Variants in GRID2 observed in about 807,000 individuals in gnomAD.
GRID2 encodes the protein glutamate receptor ionotropic, delta-2.
GRID2 carries 33 observed loss-of-function variants against 114.8 expected under a neutral mutation model. That is an observed-to-expected ratio of 0.29 (90% CI 0.22 to 0.38). GRID2 has a LOEUF of 0.38. GRID2 is among the 10% of genes least tolerant of loss of function. The pLI is 1.00. For missense variants in GRID2, 1,184 were observed against 1,257.7 expected (o/e 0.94, Z 0.89); for synonymous variants, 505 against 449.9 (o/e 1.12, Z -1.55).
intron 2 of GRID2, among the ~76,000 whole-genome samples, chr4:92,688,037 C>CTTTTTTTTTTTTTTTTTTTTTTTTT (rs760605020): frequency 6.7e-5 from 3 of 44,654 alleles, no homozygotes; most frequent in Non-Finnish European, 1.2e-4. Flanking sequence ...CCTTCTTCTT[C>CTTTTTTTTTTTTTTTTTTTTTTTTT]TTTTTTTTTT....
chr4:93,117,557 A>T (rs1455097908), intron 4 of GRID2, among the ~76,000 whole-genome samples: 1 of 152,170 alleles, frequency 6.6e-6, no homozygotes, highest in African/African-American at 2.4e-5. Flanking sequence ...GTTGTTAGTA[A>T]TTAAGGTCAA....
At chr4:92,470,601 T>A (rs1295464217) in intron 1 of GRID2, among the ~76,000 whole-genome samples, 2 of 151,966 alleles carry the variant, frequency 1.3e-5, no homozygotes, top group Non-Finnish European at 2.9e-5. Flanking sequence ...TTCTTAGAAA[T>A]GTTTGCCGTA....
intron 2 of GRID2, among the ~76,000 whole-genome samples, chr4:93,038,389 C>A (rs747782703): frequency 2.6e-5 from 4 of 151,998 alleles, no homozygotes; most frequent in Non-Finnish European, 5.9e-5. Flanking sequence ...ATTTATGTAG[C>A]CAACAAACAT....
At chr4:92,373,485 G>C (rs1729211746) in intron 1 of GRID2, among the ~76,000 whole-genome samples, 1 of 152,194 alleles carries the variant, frequency 6.6e-6, no homozygotes. Context: ...CCAGCTTCCA[G>C]CTGTGAGGGG....
intron 2 of GRID2, among the ~76,000 whole-genome samples, chr4:92,704,456 T>C (rs1734842303): frequency 6.6e-6 from 1 of 152,182 alleles, no homozygotes; most frequent in Non-Finnish European, 1.5e-5. Flanking sequence ...ACATTTTCTG[T>C]ACATGTTGCA....
chr4:93,628,719 C>T (rs1742961166), intron 14 of GRID2, among the ~76,000 whole-genome samples: 1 of 149,160 alleles, frequency 6.7e-6, no homozygotes, highest in Non-Finnish European at 1.5e-5. Flanking sequence ...GGTTAATTGG[C>T]TTTTTCATTG....
intron 2 of GRID2, among the ~76,000 whole-genome samples, chr4:92,694,088 C>G (rs1365134551): frequency 6.6e-6 from 1 of 152,050 alleles, no homozygotes; most frequent in Non-Finnish European, 1.5e-5. Flanking sequence ...CAGCAACATA[C>G]AAATGTGCTA....
intron 13 of GRID2, among the ~76,000 whole-genome samples, chr4:93,602,269 A>C (rs552584925): frequency 6.6e-6 from 1 of 152,194 alleles, no homozygotes; most frequent in Non-Finnish European, 1.5e-5. Context: ...GCTCTTGCCC[A>C]AGGCAATCAA....
chr4:93,275,479 G>A lies in GRID2; in HGVS notation c.1245+36989G>A, dbSNP rs115428063. On this transcript the variant is annotated intron_variant, in intron 8 of 15. Coordinates refer to ENST00000282020, the MANE Select transcript of GRID2 (RefSeq NM_001510.4). ...AGGAATAGAAATGATCCTTCCTTTG[G>A]TAACTCTATGTTTACCACTTTCAGG... is the stretch of plus-strand genomic sequence containing the variant. 5.5e-3 allele frequency among the ~76,000 whole-genome samples: 823 copies of A among 150,658 alleles called. 12 individuals carry two copies. Among genetic ancestry groups the A allele is most frequent in the African/African-American group, 0.019 (775 of 40,990 alleles).
intron 10 of GRID2, among the ~76,000 whole-genome samples, chr4:93,424,247 A>C (rs571377267): frequency 6.6e-6 from 1 of 151,936 alleles, no homozygotes; most frequent in East Asian, 1.9e-4. Context: ...GCTGGGATAT[A>C]ATCACTTATC....
At chr4:92,475,150 T>C (rs911461037) in intron 1 of GRID2, among the ~76,000 whole-genome samples, 1 of 138,644 alleles carries the variant, frequency 7.2e-6, no homozygotes, top group African/African-American at 2.5e-5. Flanking sequence ...ATAATAATAA[T>C]AATAAAAAGC....
intron 2 of GRID2, among the ~76,000 whole-genome samples, chr4:92,868,832 A>G (rs1409663872): frequency 6.6e-6 from 1 of 152,096 alleles, no homozygotes; most frequent in African/African-American, 2.4e-5. Flanking sequence ...ACATCTTAGC[A>G]TTTATCAAGA....
intron 1 of GRID2, among the ~76,000 whole-genome samples, chr4:92,383,851 A>G (rs992414967): frequency 6.6e-6 from 1 of 150,954 alleles, no homozygotes; most frequent in African/African-American, 2.4e-5. Context: ...ATATTTAATT[A>G]TACTTTAAGT....
chr4:93,343,498 G>A (rs546095022), intron 8 of GRID2, among the ~76,000 whole-genome samples: 1 of 152,154 alleles, frequency 6.6e-6, no homozygotes, highest in South Asian at 2.1e-4. Context: ...AAGATACAGT[G>A]AAAGGGCATT....
At chr4:93,806,774 G>A (rs1735041976) in exon 2 of GRID2, 1 of 152,192 alleles carries the variant, frequency 6.6e-6, no homozygotes, top group South Asian at 2.1e-4. Flanking sequence ...GGCCATTAAG[G>A]CCATGTTTGA....
chr4:93,084,929 C>A, intron 2 of GRID2, 66 bp from the exon 3 acceptor site: 1 of 1,261,264 alleles, frequency 7.9e-7, no homozygotes, highest in Non-Finnish European at 1.1e-6. Flanking sequence ...CCATCCAGTG[C>A]TTCTCAAAAA....
At chr4:93,727,154 C>T (rs912282330) in intron 14 of GRID2, among the ~76,000 whole-genome samples, 3 of 152,130 alleles carry the variant, frequency 2.0e-5, no homozygotes, top group South Asian at 2.1e-4. Flanking sequence ...TTTTGAGATA[C>T]GTCCCATCAA....
chr4:93,463,589 A>G (rs916958482), intron 11 of GRID2, among the ~76,000 whole-genome samples: 3 of 152,362 alleles, frequency 2.0e-5, no homozygotes, highest in South Asian at 2.1e-4. Context: ...AATTAAAATT[A>G]CTATTTTAGT....
intron 2 of GRID2, among the ~76,000 whole-genome samples, chr4:92,667,064 G>T (rs1271526529): frequency 6.6e-6 from 1 of 151,538 alleles, no homozygotes; most frequent in Non-Finnish European, 1.5e-5. Flanking sequence ...CTGCCATAGA[G>T]TTTGTTAGTG....
Sources: allele counts gnomAD v4.1 joint callset (sites outside exome capture counted in the v4.1 genomes callset), GRCh38; gene constraint gnomAD v4.1.1; transcripts MANE v1.5; gene names NCBI Gene and HGNC (gene_info 2026-07-23, HGNC 2026-07-21).